The following ZNHIT6 variants were observed in gnomAD, a reference collection of about 807,000 sequenced individuals.
ZNHIT6 encodes the protein zinc finger HIT-type containing 6, also known as box C/D snoRNA protein 1.
Under a neutral mutation model 57.2 loss-of-function variants are expected in ZNHIT6, and 45 were observed. The observed-to-expected ratio is 0.79, with a 90% CI of 0.62 to 1.01. The LOEUF is 1.01. Ranked by LOEUF, ZNHIT6 falls within the 50% of genes least tolerant of loss-of-function variation. The probability of loss-of-function intolerance (pLI) is 0.00; values close to 1 mark genes in which losing one functional copy is unlikely to be tolerated. For missense variants in ZNHIT6, 528 were observed against 567.3 expected (o/e 0.93, Z 0.70); for synonymous variants, 188 against 190.0 (o/e 0.99, Z 0.09).
chr1:85,667,229 T>A (rs1013611821), intron 8 of ZNHIT6, among the ~76,000 whole-genome samples: 7 of 152,240 alleles, frequency 4.6e-5, no homozygotes, highest in East Asian at 1.9e-4. Flanking sequence ...ATAATACAAT[T>A]ACAATATGTA....
chr1:85,656,466 A>G (rs1218793996), intron 9 of ZNHIT6, among the ~76,000 whole-genome samples: 6 of 152,166 alleles, frequency 3.9e-5, no homozygotes, highest in Non-Finnish European at 7.4e-5. Flanking sequence ...GTACATTCCT[A>G]AACAAGGTGA....
At chr1:85,667,778 A>G (rs1300978700) in intron 8 of ZNHIT6, among the ~76,000 whole-genome samples, 9 of 150,302 alleles carry the variant, frequency 6.0e-5, no homozygotes. Flanking sequence ...CTACAAAAAT[A>G]CAAAAATTAG....
At position 85,702,170 on chromosome 1, in the gene ZNHIT6, A is replaced by C; in HGVS notation, c.1006T>G (p.Phe336Val). ...TTAGAAACTTACTTCTTATCAAAAAAGGTTGAATTCTCCTTCCTCTTGGTG... is the reference window on the plus strand; with the variant it reads ...TTAGAAACTTACTTCTTATCAAAAACGGTTGAATTCTCCTTCCTCTTGGTG... ...GFTKRKENST[F>V]FDKKKQQFCW... Residue 336 changes from phenylalanine to valine, a missense_variant, in exon 5 of 10, where the codon TTT becomes GTT. Phe to Val is a conservative substitution (Grantham distance 50, BLOSUM62 -1). Coordinates refer to ENST00000370574, the MANE Select transcript of ZNHIT6 (RefSeq NM_017953.4). 1 of 1,603,456 alleles carries C rather than the reference A, an allele frequency of 6.2e-7. No homozygotes were observed. Among genetic ancestry groups the C allele is most frequent in the South Asian group, 1.1e-5 (1 of 88,626 alleles).
chr1:85,700,334 C>T (rs1222083651), intron 5 of ZNHIT6, among the ~76,000 whole-genome samples: 1 of 152,062 alleles, frequency 6.6e-6, no homozygotes, highest in Non-Finnish European at 1.5e-5. Context: ...GATTCTAAAG[C>T]CTATTAGTAC....
intron 5 of ZNHIT6, among the ~76,000 whole-genome samples, chr1:85,689,004 C>T (rs1662140720): frequency 6.6e-6 from 1 of 152,164 alleles, no homozygotes; most frequent in Admixed American, 6.5e-5. Context: ...TATAAAGCAA[C>T]CTAACTGATA....
chr1:85,674,359 T>C (rs1433938844), intron 8 of ZNHIT6, among the ~76,000 whole-genome samples: 4 of 152,060 alleles, frequency 2.6e-5, no homozygotes, highest in African/African-American at 4.8e-5. Flanking sequence ...TGTCTCAAAC[T>C]CCTGAGCTCA....
At chr1:85,701,022 G>C (rs1483445431) in intron 5 of ZNHIT6, among the ~76,000 whole-genome samples, 1 of 152,080 alleles carries the variant, frequency 6.6e-6, no homozygotes, top group Non-Finnish European at 1.5e-5. Flanking sequence ...GCCCAGGCTG[G>C]TCTCAAACTC....
chr1:85,705,181 A>C (rs1042716381), intron 4 of ZNHIT6, among the ~76,000 whole-genome samples: 6 of 152,074 alleles, frequency 3.9e-5, no homozygotes, highest in African/African-American at 1.4e-4. Context: ...CATGGTTTCC[A>C]TTTGCACTTA....
rs200606209 is a variant in ZNHIT6, at chr1:85,690,556, A to AT, written c.1020-9653_1020-9652insA. Among the ~76,000 whole-genome samples the AT allele has an allele frequency of 9.3e-3, 1,412 of 152,242 alleles. 58 individuals carry two copies. Among genetic ancestry groups the AT allele is most frequent in the Admixed American group, 0.063 (957 of 15,290 alleles). On this transcript the variant is annotated intron_variant, in intron 5 of 9. Coordinates refer to ENST00000370574, the MANE Select transcript of ZNHIT6 (RefSeq NM_017953.4). Reference sequence around the variant, plus strand: ...GGGGCAGGGAGTCCTCCTCTGTGCTACCATACCCCATGAGTACTCCATCAC... The same window carrying AT: ...GGGGCAGGGAGTCCTCCTCTGTGCTATCCATACCCCATGAGTACTCCATCAC...
intron 8 of ZNHIT6, among the ~76,000 whole-genome samples, chr1:85,663,650 T>A (rs1339744116): frequency 6.6e-6 from 1 of 152,214 alleles, no homozygotes; most frequent in Non-Finnish European, 1.5e-5. Flanking sequence ...AGTATCATGA[T>A]AGAAATGTAA....
intron 8 of ZNHIT6, among the ~76,000 whole-genome samples, chr1:85,665,224 G>T (rs369263890): frequency 1.3e-5 from 2 of 151,804 alleles, no homozygotes; most frequent in Admixed American, 1.3e-4. Flanking sequence ...TTCTTTTTTT[G>T]CTCAATTTTA....
chr1:85,704,978 T>C (rs1355383078), intron 4 of ZNHIT6, among the ~76,000 whole-genome samples: 1 of 152,200 alleles, frequency 6.6e-6, no homozygotes, highest in Non-Finnish European at 1.5e-5. Context: ...TTGTTAGCTC[T>C]TCCTTCAAAA....
chr1:85,702,065 C>G, intron 5 of ZNHIT6, 92 bp downstream of exon 5: 1 of 762,304 alleles, frequency 1.3e-6, no homozygotes, highest in South Asian at 1.8e-5. Flanking sequence ...CAGAACCACA[C>G]TTGGGGTAGC....
At position 85,708,402 on chromosome 1, in the gene ZNHIT6, C is replaced by T. The variant is rs1570343798; in HGVS notation, c.-118G>A. ...CGGCCCACGTGTGGAGCCAAGCAGC[C>T]ACAAACCCGGAATAGCCTGCTTGAC... On this transcript the variant is annotated 5_prime_UTR_variant, in exon 1 of 10. Transcript: ENST00000370574. The T allele has an allele frequency of 1.5e-6, 2 of 1,328,248 alleles. No individual in the cohort carries two copies. Among genetic ancestry groups the T allele is most frequent in the East Asian group, 2.4e-5 (1 of 41,638 alleles). 82.3% of individuals were successfully genotyped at this position (1,328,248 alleles called of 1,614,324 possible).
In ZNHIT6 at chr1:85,651,257, G is replaced by T. The variant is rs1204371707; in HGVS notation, c.*2801C>A. ...TAACTTTTTTTTTTTTTGAGGCAGA[G>T]TCTCATTCTGTCACCCAGGCAGTGC... On this transcript the variant is annotated 3_prime_UTR_variant, in exon 10 of 10. Transcript: ENST00000370574. The T allele has an allele frequency of 6.6e-6, 1 of 151,046 alleles. No homozygotes were observed. Among genetic ancestry groups the T allele is most frequent in the Non-Finnish European group, 1.5e-5 (1 of 67,836 alleles). The allele number at this position is 151,046 out of a possible 1,614,324, so 9.4% of individuals were successfully genotyped here. A position where few individuals can be genotyped will look rare whatever the true frequency, so the allele number is the denominator to read the frequency against.
At chr1:85,670,774 C>G (rs530471134) in intron 8 of ZNHIT6, among the ~76,000 whole-genome samples, 4 of 152,108 alleles carry the variant, frequency 2.6e-5, no homozygotes, top group Non-Finnish European at 5.9e-5. Context: ...GAAGAAAGGA[C>G]AAATGGAAGA....
At chr1:85,676,211 C>T (rs993579306) in intron 8 of ZNHIT6, among the ~76,000 whole-genome samples, 1 of 151,976 alleles carries the variant, frequency 6.6e-6, no homozygotes, top group South Asian at 2.1e-4. Context: ...TGGCACATGC[C>T]TGTAATCCCA....
At chr1:85,668,014 T>C (rs774988242) in intron 8 of ZNHIT6, among the ~76,000 whole-genome samples, 8 of 135,962 alleles carry the variant, frequency 5.9e-5, no homozygotes, top group Non-Finnish European at 7.7e-5. Context: ...GAAATCTTAC[T>C]TGTTCTGTTT....
intron 7 of ZNHIT6, among the ~76,000 whole-genome samples, chr1:85,678,036 C>T (rs1201141429): frequency 1.3e-5 from 2 of 152,130 alleles, no homozygotes; most frequent in Admixed American, 1.3e-4. Flanking sequence ...TCTTATTTCA[C>T]TGATGAGAAA....
Sources: gnomAD v4.1 joint callset for allele counts (sites outside exome capture counted in the v4.1 genomes callset) on GRCh38, gnomAD v4.1.1 for gene constraint, MANE v1.5 for transcripts, NCBI Gene and HGNC (gene_info 2026-07-23, HGNC 2026-07-21) for gene names.